SNAP25: variants seen among roughly 807,000 people sequenced by gnomAD.
SNAP25 encodes synaptosome associated protein 25.
SNAP25 carries 3 observed loss-of-function variants against 28.7 expected under a neutral mutation model. The observed-to-expected ratio is 0.10, with a 90% CI of 0.05 to 0.27. The LOEUF is 0.27. Ranked by LOEUF, SNAP25 falls within the 10% of genes least tolerant of loss-of-function variation. The pLI is 1.00. For synonymous variants in SNAP25, 61 were observed against 88.1 expected (o/e 0.69, Z 1.72); for missense variants, 117 against 278.7 (o/e 0.42, Z 4.13).
At chr20:10,301,898 AT>A (rs1361761055) in intron 7 of SNAP25, among the ~76,000 whole-genome samples, 1 of 147,068 alleles carries the variant, frequency 6.8e-6, no homozygotes, top group Admixed American at 6.8e-5. Flanking sequence ...TATTATATGT[AT>A]ATGGTTATTA....
intron 1 of SNAP25, among the ~76,000 whole-genome samples, chr20:10,266,606 T>C (rs2063510347): frequency 6.6e-6 from 1 of 152,212 alleles, no homozygotes; most frequent in African/African-American, 2.4e-5. Flanking sequence ...AATGAATATT[T>C]GATTGGATTG....
chr20:10,266,216 T>C (rs362570), intron 1 of SNAP25, among the ~76,000 whole-genome samples: 120,577 of 152,086 alleles, frequency 0.79, 47,964 homozygotes, highest in Middle Eastern at 0.84. Flanking sequence ...TCACTCACCC[T>C]TTCAATGAGG....
At chr20:10,284,890 AG>A (rs1388400121) in intron 4 of SNAP25, 118 bp downstream of exon 4, 2 of 769,220 alleles carry the variant, frequency 2.6e-6, no homozygotes, top group Non-Finnish European at 4.3e-6. Context: ...CACGAATGTG[AG>A]GGTTCTAGAT....
intron 1 of SNAP25, among the ~76,000 whole-genome samples, chr20:10,274,170 T>C (rs2063646587): frequency 6.6e-6 from 1 of 152,176 alleles, no homozygotes; most frequent in African/African-American, 2.4e-5. Flanking sequence ...CTCTCCGGAA[T>C]AGACCCAGTC....
chr20:10,277,107 C>T (rs569003903), intron 2 of SNAP25, among the ~76,000 whole-genome samples: 35 of 152,280 alleles, frequency 2.3e-4, no homozygotes, highest in Non-Finnish European at 4.3e-4. Flanking sequence ...TCAGCCTTTC[C>T]GTCTCGTTTT....
intron 1 of SNAP25, among the ~76,000 whole-genome samples, chr20:10,252,257 A>C (rs2063243280): frequency 6.6e-6 from 1 of 152,258 alleles, no homozygotes; most frequent in African/African-American, 2.4e-5. Context: ...TAGGCAGATC[A>C]AGTCAGTTCA....
At chr20:10,299,465 C>A (rs45556535) in intron 7 of SNAP25, 53 bp downstream of exon 7, 44 of 1,563,560 alleles carry the variant, frequency 2.8e-5, no homozygotes, top group Middle Eastern at 1.8e-4. Context: ...CTGAAATGAC[C>A]AACAGGAAGT....
chr20:10,226,671 A>G (rs562965681), intron 1 of SNAP25, among the ~76,000 whole-genome samples: 11 of 152,212 alleles, frequency 7.2e-5, no homozygotes, highest in Admixed American at 6.5e-4. Flanking sequence ...TATACAATCT[A>G]TTGAAGGTTT....
In SNAP25 at chr20:10,218,888, C is replaced by T. The variant is rs939794015; in HGVS notation, c.-153C>T. On this transcript the variant is annotated 5_prime_UTR_variant, in exon 1 of 8. Coordinates refer to ENST00000254976, the MANE Select transcript of SNAP25 (RefSeq NM_130811.4). ...AAGACGAAACCTCGGGGAGGTCAGG[C>T]GCTGTCTTTCCTTCCCTCCCTGCTC... 1 of 152,312 alleles carries T rather than the reference C, an allele frequency of 6.6e-6. No individual in the cohort carries two copies. The highest frequency in any genetic ancestry group is 1.5e-5 in the Non-Finnish European group (1 of 68,148). The allele number at this position is 152,312 out of a possible 1,614,324, so 9.4% of individuals were successfully genotyped here. A position where few individuals can be genotyped will look rare whatever the true frequency, so the allele number is the denominator to read the frequency against.
At chr20:10,237,459 G>A (rs1434072666) in intron 1 of SNAP25, among the ~76,000 whole-genome samples, 1 of 152,178 alleles carries the variant, frequency 6.6e-6, no homozygotes, top group Non-Finnish European at 1.5e-5. Context: ...CAGAAAAGGC[G>A]AGTGCCAAGG....
At chr20:10,232,013 G>A (rs2048192898) in intron 1 of SNAP25, among the ~76,000 whole-genome samples, 1 of 152,144 alleles carries the variant, frequency 6.6e-6, no homozygotes, top group Non-Finnish European at 1.5e-5. Context: ...AGCAAATGTT[G>A]AGCAGTCAAG....
intron 1 of SNAP25, among the ~76,000 whole-genome samples, chr20:10,253,904 C>G (rs1201651520): frequency 6.6e-6 from 1 of 152,186 alleles, no homozygotes; most frequent in East Asian, 1.9e-4. Flanking sequence ...GGTGGCCTAG[C>G]CAGACCTTCC....
chr20:10,299,460 A>G (rs1485749346), intron 7 of SNAP25, 48 bp downstream of exon 7: 1 of 1,580,844 alleles, frequency 6.3e-7, no homozygotes, highest in South Asian at 1.1e-5. Flanking sequence ...CACTTCTGAA[A>G]TGACCAACAG....
At chr20:10,236,591 C>A (rs1170958275) in intron 1 of SNAP25, among the ~76,000 whole-genome samples, 1 of 152,092 alleles carries the variant, frequency 6.6e-6, no homozygotes, top group Non-Finnish European at 1.5e-5. Context: ...AAAAACAATT[C>A]TCTGCCAGTC....
intron 1 of SNAP25, among the ~76,000 whole-genome samples, chr20:10,245,235 C>T (rs769084128): frequency 6.6e-6 from 1 of 152,194 alleles, no homozygotes; most frequent in Non-Finnish European, 1.5e-5. Flanking sequence ...CTCATTCTCT[C>T]TCTCACTGTC....
chr20:10,243,826 G>A (rs1210341224), intron 1 of SNAP25, among the ~76,000 whole-genome samples: 1 of 152,182 alleles, frequency 6.6e-6, no homozygotes, highest in Non-Finnish European at 1.5e-5. Context: ...CTTTGACTGA[G>A]TCTAGCTCAC....
chr20:10,230,596 T>G (rs2062812316), intron 1 of SNAP25, among the ~76,000 whole-genome samples: 1 of 152,096 alleles, frequency 6.6e-6, no homozygotes, highest in African/African-American at 2.4e-5. Flanking sequence ...CCCAGTAACC[T>G]CTGTTTTAAT....
At chr20:10,292,734 A>G (rs2064025616) in intron 4 of SNAP25, 3 of 593,590 alleles carry the variant, frequency 5.1e-6, no homozygotes, top group South Asian at 2.4e-5. Flanking sequence ...TGTGTAGGGC[A>G]GCGGTAGCAG....
chr20:10,261,723 T>C (rs1422725106), intron 1 of SNAP25, among the ~76,000 whole-genome samples: 1 of 152,158 alleles, frequency 6.6e-6, no homozygotes, highest in Non-Finnish European at 1.5e-5. Flanking sequence ...TAAAAAGACT[T>C]AGGGAATTAA....
Sources: gnomAD v4.1 joint callset for allele counts (sites outside exome capture counted in the v4.1 genomes callset) on GRCh38, gnomAD v4.1.1 for gene constraint, MANE v1.5 for transcripts, NCBI Gene and HGNC (gene_info 2026-07-23, HGNC 2026-07-21) for gene names.